The following SLC6A9 variants were observed in gnomAD, a reference collection of about 807,000 sequenced individuals.
SLC6A9 encodes solute carrier family 6 member 9, also known as sodium- and chloride-dependent glycine transporter 1.
A neutral mutation model predicts 70.9 loss-of-function variants in SLC6A9; 31 were observed. The observed-to-expected ratio is 0.44, with a 90% confidence interval of 0.33 to 0.59. SLC6A9 has a LOEUF of 0.59. Among genes scored for constraint, SLC6A9 ranks in the 20% least tolerant of loss-of-function variants. The pLI, the probability that SLC6A9 is intolerant of heterozygous loss-of-function variation, is 0.04. For synonymous variants in SLC6A9, 310 were observed against 341.3 expected, an observed-to-expected ratio of 0.91 and a Z score of 1.01; for missense variants, 631 against 845.2, an observed-to-expected ratio of 0.75 and a Z score of 3.14.
chr1:44,030,539 C>G (rs1040726617), intron 1 of SLC6A9: 3 of 152,452 alleles, frequency 2.0e-5, no homozygotes, highest in Non-Finnish European at 4.4e-5. Flanking sequence ...GGCCGCCCGG[C>G]CCCGCCCTAG....
rs762458733 is a variant in SLC6A9 at position 44,000,719 on chromosome 1, A to T, written c.1536+48T>A. The T allele has an allele frequency of 8.4e-5, 106 of 1,264,774 alleles. 1 individual carries two copies. In the South Asian group the frequency reaches 1.4e-3, roughly 16 times the overall value. 78.3% of individuals were successfully genotyped at this position (1,264,774 alleles called of 1,614,324 possible). A position where few individuals can be genotyped will look rare whatever the true frequency, so the allele number is the denominator to read the frequency against. On this transcript the variant is annotated intron_variant, in intron 12 of 13. Transcript: ENST00000372310. ...CCGCTGGGTCCCAAGAGATGGACAC[A>T]TGGCCAAGGGGCAGCGGGGGAAGGG... is the stretch of plus-strand genomic sequence containing the variant.
Position 44,008,362 on chromosome 1 carries a change from T to A in SLC6A9, c.581A>T (p.Glu194Val). 6.2e-7 allele frequency: 1 copy of A among 1,614,060 alleles called. No individual in the cohort carries two copies. The highest frequency in any genetic ancestry group is 8.5e-7 in the Non-Finnish European group (1 of 1,179,948). Residue 194 changes from glutamate (E) to valine (V), a missense_variant, in exon 5 of 14, where the codon GAG becomes GTG. Coordinates refer to ENST00000372310, the MANE Select transcript of SLC6A9 (RefSeq NM_001024845.3). ...HSLQRTSPSE[E>V]YWRLYVLKLS... ...CCTGCAGGTGCCTCACCTCCAGTAC[T>A]CCTCGCTGGGGCTGGTCCTCTGGAG...
intron 1 of SLC6A9, among the ~76,000 whole-genome samples, chr1:44,029,836 C>T (rs1557699419): frequency 2.0e-5 from 3 of 152,304 alleles, no homozygotes; most frequent in African/African-American, 4.8e-5. Context: ...CCCATTAGTC[C>T]CTAGAACCAG....
intron 1 of SLC6A9, among the ~76,000 whole-genome samples, chr1:44,025,308 TG>T (rs1347889767): frequency 6.6e-6 from 1 of 151,876 alleles, no homozygotes; most frequent in African/African-American, 2.4e-5. Flanking sequence ...GCTGGCGAGC[TG>T]GGGGGCAGCA....
At chr1:43,998,300 A>C (rs1168308123) in intron 12 of SLC6A9, among the ~76,000 whole-genome samples, 1 of 152,168 alleles carries the variant, frequency 6.6e-6, no homozygotes, top group Non-Finnish European at 1.5e-5. Context: ...CCGCCTTTGG[A>C]ATCAGTCAGT....
rs370472168 is a variant in SLC6A9 at position 44,000,930 on chromosome 1, G to A, written c.1435+26C>T. The A allele has an allele frequency of 1.5e-5, 24 of 1,601,518 alleles. No individual in the cohort carries two copies. The African/African-American group carries it at 1.6e-4, about 11-fold the overall frequency. On this transcript the variant is annotated intron_variant, in intron 11 of 13. Coordinates refer to ENST00000372310, the MANE Select transcript of SLC6A9 (RefSeq NM_001024845.3). ...GTGGGCGGGCCAAGGGCCGGGTCGC[G>A]GGAGGCCGGAGGCTCGAGTGCTCAC...
chr1:43,998,991 G>GGC (rs2085989647), intron 12 of SLC6A9, among the ~76,000 whole-genome samples: 1 of 148,846 alleles, frequency 6.7e-6, no homozygotes, highest in South Asian at 2.2e-4. Flanking sequence ...AAGGGGGGGG[G>GGC]CAGTCCCAGC....
Position 44,000,798 on chromosome 1 carries a change from C to T in SLC6A9, c.1505G>A (p.Cys502Tyr). The part of the protein sequence containing the change: ...GFPPPLFFQI[C>Y]WRFVSPAIIF... ...GATGGCGGGAGAGACGAAGCGCCAG[C>T]AGATCTGAAAGAAGAGGGGTGGTGG... Residue 502 changes from cysteine (C) to tyrosine (Y), a missense_variant, in exon 12 of 14, where the codon TGC becomes TAC. Cys to Tyr is a radical substitution (Grantham distance 194). Coordinates refer to ENST00000372310, the MANE Select transcript of SLC6A9 (RefSeq NM_001024845.3). The T allele has an allele frequency of 6.2e-7, 1 of 1,611,572 alleles. No homozygotes were observed. Among genetic ancestry groups the T allele is most frequent in the South Asian group, 1.1e-5 (1 of 90,714 alleles).
chr1:44,002,230 GGGCCCAT>G lies in SLC6A9; in HGVS notation c.962+76_962+82del. On this transcript the variant is annotated intron_variant, in intron 8 of 13. Coordinates refer to ENST00000372310, the MANE Select transcript of SLC6A9 (RefSeq NM_001024845.3). The surrounding 1 kb of genome is among the most constrained non-coding windows in gnomAD (Gnocchi z 5.5). ...ATCATGAGGGGAAAGGAGGCCTCGT[GGGCCCAT>G]GGCTGCACTGGAGCTGAGATCAGGC... 1 of 936,562 alleles carries G rather than the reference GGGCCCAT, an allele frequency of 1.1e-6. No homozygotes were observed. The highest frequency in any genetic ancestry group is 1.8e-6 in the Non-Finnish European group (1 of 567,238). 58.0% of individuals were successfully genotyped at this position (936,562 alleles called of 1,614,324 possible).
chr1:44,001,395 T>G lies in SLC6A9; in HGVS notation c.1195A>C (p.Thr399Pro). 6.2e-7 allele frequency: 1 copy of G among 1,612,178 alleles called. No homozygotes were observed. Among genetic ancestry groups the G allele is most frequent in the South Asian group, 1.1e-5 (1 of 90,956 alleles). ...FFMLILLGLG[T>P]QFCLLETLVT... ...CCACGTCCTGCACCTCGTACCTGAG[T>G]GCCCAGCCCCAGCAGGATAAGCATG... The change falls in exon 9 of 14, where the codon ACT becomes CCT. Residue 399 changes from threonine (T) to proline (P), a missense_variant. Coordinates refer to ENST00000372310, the MANE Select transcript of SLC6A9 (RefSeq NM_001024845.3).
chr1:44,013,450 G>A lies in SLC6A9; in HGVS notation c.31-2568C>T, dbSNP rs998018557. Among the ~76,000 whole-genome samples the A allele has an allele frequency of 8.5e-5, 13 of 152,358 alleles. No homozygotes were observed. Among genetic ancestry groups the A allele is most frequent in the East Asian group, 7.7e-4 (4 of 5,184 alleles). Reference sequence around the variant, plus strand: ...GAGCCGTGTGCTAACCAGCTTAGCCGTGCGGGCTGTAACCCAGGGAGGCCA... The same window carrying A: ...GAGCCGTGTGCTAACCAGCTTAGCCATGCGGGCTGTAACCCAGGGAGGCCA... On this transcript the variant is annotated intron_variant, in intron 2 of 13. Coordinates refer to ENST00000372310, the MANE Select transcript of SLC6A9 (RefSeq NM_001024845.3). This position sits in a 1 kb window ranked among gnomAD's most constrained non-coding sequence, Gnocchi z 5.3.
At chr1:44,023,899 G>A (rs2086932963) in intron 2 of SLC6A9, among the ~76,000 whole-genome samples, 1 of 152,180 alleles carries the variant, frequency 6.6e-6, no homozygotes, top group Non-Finnish European at 1.5e-5. Flanking sequence ...AACCAGGCAG[G>A]GTCTGAGGGA....
At chr1:44,015,775 G>C in intron 2 of SLC6A9, 3 of 822,002 alleles carry the variant, frequency 3.6e-6, no homozygotes, top group African/African-American at 1.8e-5. Context: ...TAGGGGCAGA[G>C]AGACCCAGCT....
chr1:44,002,273 G>A lies in SLC6A9; in HGVS notation c.962+40C>T, dbSNP rs199771612. On this transcript the variant is annotated intron_variant, in intron 8 of 13. Coordinates refer to ENST00000372310, the MANE Select transcript of SLC6A9 (RefSeq NM_001024845.3). This position sits in a 1 kb window ranked among gnomAD's most constrained non-coding sequence, Gnocchi z 5.5. Reference sequence around the variant, plus strand: ...GAGCTGAGATCAGGCTGCAGAGAGTGCAGGAAGGGGGCAGCCTCAGCCCAG... The same window carrying A: ...GAGCTGAGATCAGGCTGCAGAGAGTACAGGAAGGGGGCAGCCTCAGCCCAG... The A allele has an allele frequency of 3.5e-6, 5 of 1,417,768 alleles. No homozygotes were observed. The highest frequency in any genetic ancestry group is 5.0e-6 in the Non-Finnish European group (5 of 1,000,950). 87.8% of individuals were successfully genotyped at this position (1,417,768 alleles called of 1,614,324 possible). A position where few individuals can be genotyped will look rare whatever the true frequency, so the allele number is the denominator to read the frequency against.
intron 12 of SLC6A9, among the ~76,000 whole-genome samples, chr1:43,999,525 T>A (rs1162180450): frequency 6.6e-6 from 1 of 151,990 alleles, no homozygotes; most frequent in Non-Finnish European, 1.5e-5. Flanking sequence ...GAGGCTGAGC[T>A]CCCCTTGGGC....
At chr1:44,017,228 C>T (rs896302094) in intron 2 of SLC6A9, 3 of 1,526,610 alleles carry the variant, frequency 2.0e-6, no homozygotes, top group Non-Finnish European at 2.6e-6. Flanking sequence ...CTCATCTCCT[C>T]CCGAAGCTCT....
chr1:44,000,192 C>T (rs925235779), intron 12 of SLC6A9, among the ~76,000 whole-genome samples: 3 of 152,242 alleles, frequency 2.0e-5, no homozygotes, highest in Non-Finnish European at 4.4e-5. Context: ...TGCTTCCTTG[C>T]CATGGTGGAT....
chr1:44,017,884 T>C (rs1375422119), intron 2 of SLC6A9, among the ~76,000 whole-genome samples: 2 of 152,196 alleles, frequency 1.3e-5, no homozygotes, highest in Non-Finnish European at 2.9e-5. Flanking sequence ...ATTTGCACCG[T>C]GATGCCCAGA....
chr1:44,014,413 T>C (rs563069983), intron 2 of SLC6A9, among the ~76,000 whole-genome samples: 13 of 151,792 alleles, frequency 8.6e-5, no homozygotes, highest in Middle Eastern at 6.8e-3. Context: ...AGGCTTTCCT[T>C]CCATGGCGGG....
Sources: allele counts gnomAD v4.1 joint callset (sites outside exome capture counted in the v4.1 genomes callset), GRCh38; gene constraint gnomAD v4.1.1; non-coding constraint Gnocchi (gnomAD v3.1); transcripts MANE v1.5; gene names NCBI Gene and HGNC (gene_info 2026-07-23, HGNC 2026-07-21).